Variants in PARD3 observed in about 807,000 individuals in gnomAD.
PARD3 encodes par-3 family cell polarity regulator, also known as partitioning defective 3 homolog.
Under a neutral mutation model 155.4 loss-of-function variants are expected in PARD3, and 75 were observed. That is an observed-to-expected ratio of 0.48 (90% CI 0.40 to 0.58). The LOEUF (loss-of-function observed/expected upper bound fraction) is 0.58, where lower values mean the gene tolerates loss of function less well. Ranked by LOEUF, PARD3 falls within the 20% of genes least tolerant of loss-of-function variation. The pLI is 0.00. For synonymous variants in PARD3, 576 were observed against 610.5 expected, an observed-to-expected ratio of 0.94 and a Z score of 0.83; for missense variants, 1,642 against 1,721.7, an observed-to-expected ratio of 0.95 and a Z score of 0.82.
In PARD3 at chr10:34,749,032, C is replaced by T. The variant is rs1481005104; in HGVS notation, c.121-52613G>A. On this transcript the variant is annotated intron_variant, in intron 1 of 24. Transcript: ENST00000374788. ...GCTGTTAAATACTAACGGCATGAAGCGTAACCCATCAACTTCAATTTCCTC... is the reference window on the plus strand; with the variant it reads ...GCTGTTAAATACTAACGGCATGAAGTGTAACCCATCAACTTCAATTTCCTC... 2.0e-5 allele frequency among the ~76,000 whole-genome samples: 3 copies of T among 152,214 alleles called. No individual in the cohort carries two copies. The East Asian group carries it at 5.8e-4, about 29-fold the overall frequency.
chr10:34,375,405 C>G (rs1226064568), intron 10 of PARD3, among the ~76,000 whole-genome samples: 3 of 152,022 alleles, frequency 2.0e-5, no homozygotes, highest in Admixed American at 2.0e-4. Context: ...AGGTGTTGCT[C>G]TTATAAAGGG....
At chr10:34,649,455 T>A (rs995397535) in intron 2 of PARD3, among the ~76,000 whole-genome samples, 2 of 152,264 alleles carry the variant, frequency 1.3e-5, no homozygotes, top group Non-Finnish European at 2.9e-5. Flanking sequence ...TCTTGAATAC[T>A]GTAGGCAACT....
At chr10:34,375,034 C>T in intron 10 of PARD3, 32 bp from the exon 11 acceptor site, 1 of 1,450,564 alleles carries the variant, frequency 6.9e-7, no homozygotes, top group South Asian at 1.1e-5. Flanking sequence ...CAGCTGTAAT[C>T]CTGTGGAAAC....
chr10:34,481,122 G>T (rs2079058753), intron 3 of PARD3, among the ~76,000 whole-genome samples: 1 of 152,116 alleles, frequency 6.6e-6, no homozygotes, highest in Non-Finnish European at 1.5e-5. Flanking sequence ...TCTAATACAG[G>T]TAAGTTTTGT....
rs1482241627 is a variant in PARD3, at chr10:34,145,219, A to ATTTTTT, written c.3420-13637_3420-13636insAAAAAA. ...TATATATATATATATATATATATAT[A>ATTTTTT]TATTTTTTTTTTTTTTTTTTTTACA... is the stretch of plus-strand genomic sequence containing the variant. On this transcript the variant is annotated intron_variant, in intron 22 of 24. Coordinates refer to ENST00000374788, the MANE Select transcript of PARD3 (RefSeq NM_001184785.2). Among the ~76,000 whole-genome samples the ATTTTTT allele has an allele frequency of 4.0e-3, 214 of 53,514 alleles. 1 individual carries two copies. The highest frequency in any genetic ancestry group is 6.0e-3 in the Non-Finnish European group (184 of 30,700). 35.1% of individuals were successfully genotyped at this position (53,514 alleles called of 152,430 possible). A position where few individuals can be genotyped will look rare whatever the true frequency, so the allele number is the denominator to read the frequency against.
Position 34,377,097 on chromosome 10 carries a change from A to T in PARD3, c.1539+870T>A, listed in dbSNP as rs1783364485. On this transcript the variant is annotated intron_variant, in intron 10 of 24. Transcript: ENST00000374788. Reference sequence around the variant, plus strand: ...TTTTCTTTCCTGACATTTGACTCTTATGACTCAATTTATTCTCCATGCTGC... The same window carrying T: ...TTTTCTTTCCTGACATTTGACTCTTTTGACTCAATTTATTCTCCATGCTGC... 2.6e-5 allele frequency among the ~76,000 whole-genome samples: 4 copies of T among 152,188 alleles called. No individual in the cohort carries two copies. The South Asian group carries it at 8.3e-4, about 31-fold the overall frequency.
At chr10:34,202,323 T>G (rs1588736485) in intron 22 of PARD3, among the ~76,000 whole-genome samples, 1 of 152,254 alleles carries the variant, frequency 6.6e-6, no homozygotes, top group East Asian at 1.9e-4. Flanking sequence ...TCCTCCAGCC[T>G]TGGCCTCCCA....
intron 20 of PARD3, among the ~76,000 whole-genome samples, chr10:34,290,819 G>A (rs1660644): frequency 5.9e-5 from 9 of 152,154 alleles, no homozygotes; most frequent in African/African-American, 2.2e-4. Context: ...AGATCCTTGA[G>A]AGATACCAGC....
intron 22 of PARD3, among the ~76,000 whole-genome samples, chr10:34,174,516 G>A (rs921586927): frequency 1.3e-5 from 2 of 152,162 alleles, no homozygotes; most frequent in Non-Finnish European, 2.9e-5. Flanking sequence ...ATTCAAGGTC[G>A]GGGGCGTGGA....
intron 16 of PARD3, among the ~76,000 whole-genome samples, chr10:34,340,120 C>T (rs997286583): frequency 2.6e-5 from 4 of 152,194 alleles, no homozygotes; most frequent in African/African-American, 9.7e-5. Context: ...ACATTCCCCA[C>T]AGCAAAATTA....
chr10:34,152,545 T>C (rs1353788890), intron 22 of PARD3, among the ~76,000 whole-genome samples: 1 of 152,246 alleles, frequency 6.6e-6, no homozygotes, highest in Admixed American at 6.5e-5. Flanking sequence ...CAGTCTGTCA[T>C]TGACTGACAT....
intron 22 of PARD3, among the ~76,000 whole-genome samples, chr10:34,210,187 A>C (rs529317004): frequency 7.2e-5 from 11 of 152,300 alleles, no homozygotes; most frequent in African/African-American, 2.6e-4. Flanking sequence ...TAATCAATGC[A>C]AAAACAGGTC....
At chr10:34,411,708 G>A (rs1845075925) in intron 5 of PARD3, among the ~76,000 whole-genome samples, 2 of 149,396 alleles carry the variant, frequency 1.3e-5, no homozygotes, top group African/African-American at 4.9e-5. Context: ...TTATATGTGT[G>A]TATATATCTA....
rs540304024 is a variant in PARD3, at chr10:34,792,295, G to A, written c.120+22581C>T. On this transcript the variant is annotated intron_variant, in intron 1 of 24. Coordinates refer to ENST00000374788, the MANE Select transcript of PARD3 (RefSeq NM_001184785.2). ...GTACAAGGTCTCGCTGTGTTGCCCC[G>A]GCAGGTCTCACACTCCTGGCCTCAA... Among the ~76,000 whole-genome samples, 9 of 152,112 alleles carry A rather than the reference G, an allele frequency of 5.9e-5. No individual in the cohort carries two copies. The East Asian group carries it at 1.2e-3, about 20-fold the overall frequency.
chr10:34,209,363 G>A (rs1421429838), intron 22 of PARD3, among the ~76,000 whole-genome samples: 2 of 152,144 alleles, frequency 1.3e-5, no homozygotes, highest in South Asian at 2.1e-4. Context: ...AAATATTCTC[G>A]ACATGAACAA....
At chr10:34,321,700 A>G (rs1171785754) in intron 19 of PARD3, among the ~76,000 whole-genome samples, 1 of 152,214 alleles carries the variant, frequency 6.6e-6, no homozygotes, top group Admixed American at 6.5e-5. Flanking sequence ...ACAGATGCAA[A>G]TGGAGCTCAA....
chr10:34,115,776 G>C (rs1236322723), intron 24 of PARD3, among the ~76,000 whole-genome samples: 1 of 150,076 alleles, frequency 6.7e-6, no homozygotes, highest in African/African-American at 2.5e-5. Flanking sequence ...GCAGTGGCGC[G>C]ATCTCGGCTC....
At chr10:34,806,393 A>T (rs923872958) in intron 1 of PARD3, among the ~76,000 whole-genome samples, 1 of 152,036 alleles carries the variant, frequency 6.6e-6, no homozygotes, top group African/African-American at 2.4e-5. Context: ...ATGGGGTTTC[A>T]CTACTTTGGC....
At chr10:34,746,707 C>A (rs765826555) in intron 1 of PARD3, among the ~76,000 whole-genome samples, 1 of 152,152 alleles carries the variant, frequency 6.6e-6, no homozygotes, top group Non-Finnish European at 1.5e-5. Flanking sequence ...TATGTACATA[C>A]CCAATTTCCT....
Sources: allele counts gnomAD v4.1 joint callset (sites outside exome capture counted in the v4.1 genomes callset), GRCh38; gene constraint gnomAD v4.1.1; transcripts MANE v1.5; gene names NCBI Gene and HGNC (gene_info 2026-07-23, HGNC 2026-07-21).